FCHSD2: variants seen among roughly 807,000 people sequenced by gnomAD.
The protein encoded by FCHSD2 is F-BAR and double SH3 domains protein 2.
In FCHSD2, 38 loss-of-function variants were observed where a neutral mutation model predicts 108.1. The observed-to-expected ratio is 0.35, with a 90% CI of 0.27 to 0.46. The LOEUF (loss-of-function observed/expected upper bound fraction) is 0.46, where lower values mean the gene tolerates loss of function less well. Among genes scored for constraint, FCHSD2 ranks in the 20% least tolerant of loss-of-function variants. The probability of loss-of-function intolerance (pLI) is 1.00; values close to 1 mark genes in which losing one functional copy is unlikely to be tolerated. For missense variants in FCHSD2, 751 were observed against 897.8 expected, an observed-to-expected ratio of 0.84 and a Z score of 2.09; for synonymous variants, 279 against 314.7, an observed-to-expected ratio of 0.89 and a Z score of 1.20.
chr11:73,137,339 C>G (rs1861142848), intron 2 of FCHSD2, among the ~76,000 whole-genome samples: 1 of 152,024 alleles, frequency 6.6e-6, no homozygotes. Flanking sequence ...TAAAAAAAAC[C>G]TGTTAATCCT....
At chr11:72,932,909 C>T (rs554193286) in intron 8 of FCHSD2, among the ~76,000 whole-genome samples, 2 of 152,280 alleles carry the variant, frequency 1.3e-5, no homozygotes, top group African/African-American at 2.4e-5. Flanking sequence ...TAAACCTATA[C>T]TTGAGCCCCA....
chr11:73,056,667 T>C (rs986262464), intron 3 of FCHSD2, among the ~76,000 whole-genome samples: 13 of 151,994 alleles, frequency 8.6e-5, no homozygotes, highest in East Asian at 1.9e-4. Flanking sequence ...CTATGCAAAA[T>C]AGGTAGAGAA....
intron 9 of FCHSD2, among the ~76,000 whole-genome samples, chr11:72,905,838 T>C (rs1463566397): frequency 6.6e-6 from 1 of 152,216 alleles, no homozygotes; most frequent in Non-Finnish European, 1.5e-5. Context: ...CAGTCTATCA[T>C]TGATGGACAT....
intron 8 of FCHSD2, among the ~76,000 whole-genome samples, chr11:72,924,441 C>CT (rs536513005): frequency 0.36 from 49,806 of 138,156 alleles, 9,327 homozygotes; most frequent in East Asian, 0.55. Flanking sequence ...CCACACCCGG[C>CT]TTTTTTTTTT....
intron 12 of FCHSD2, among the ~76,000 whole-genome samples, chr11:72,875,068 G>A (rs758049877): frequency 1.8e-4 from 27 of 152,168 alleles, no homozygotes; most frequent in Non-Finnish European, 2.9e-4. Context: ...TAAGTGTAAA[G>A]CTATAGTTGA....
intron 8 of FCHSD2, among the ~76,000 whole-genome samples, chr11:72,966,857 G>C (rs117331368): frequency 0.04 from 6,044 of 152,244 alleles, 158 homozygotes; most frequent in Non-Finnish European, 0.063. Context: ...TTTGAGGAAG[G>C]ATTCCCTAAA....
chr11:72,939,956 G>A (rs528809365), intron 8 of FCHSD2, among the ~76,000 whole-genome samples: 1 of 152,106 alleles, frequency 6.6e-6, no homozygotes, highest in African/African-American at 2.4e-5. Context: ...AAAGTTCCAG[G>A]GAGTTTCTTC....
At chr11:73,097,272 C>T (rs1860109006) in intron 2 of FCHSD2, among the ~76,000 whole-genome samples, 1 of 151,510 alleles carries the variant, frequency 6.6e-6, no homozygotes, top group African/African-American at 2.4e-5. Context: ...CCAAGTGGCT[C>T]CCTGGGATTG....
At chr11:73,049,018 C>T (rs914621174) in intron 3 of FCHSD2, among the ~76,000 whole-genome samples, 1 of 152,134 alleles carries the variant, frequency 6.6e-6, no homozygotes, top group African/African-American at 2.4e-5. Flanking sequence ...TCTCAACATA[C>T]TGACACAGTG....
intron 12 of FCHSD2, among the ~76,000 whole-genome samples, chr11:72,884,588 T>C (rs1363513204): frequency 2.0e-5 from 3 of 147,050 alleles, no homozygotes; most frequent in African/African-American, 7.6e-5. Flanking sequence ...AAAGATCATA[T>C]ATATATATAT....
chr11:73,021,458 CA>C (rs1417552830), intron 3 of FCHSD2, among the ~76,000 whole-genome samples: 2 of 151,974 alleles, frequency 1.3e-5, no homozygotes, highest in Non-Finnish European at 2.9e-5. Flanking sequence ...AATGCAAGAA[CA>C]GAAAACTAAA....
chr11:72,907,681 C>T (rs1487186981), intron 9 of FCHSD2, among the ~76,000 whole-genome samples: 1 of 149,930 alleles, frequency 6.7e-6, no homozygotes, highest in Non-Finnish European at 1.5e-5. Context: ...ACCTCCACCT[C>T]CCAGGTTCAT....
intron 2 of FCHSD2, among the ~76,000 whole-genome samples, chr11:73,109,684 G>T (rs1408098448): frequency 6.6e-6 from 1 of 152,102 alleles, no homozygotes; most frequent in Non-Finnish European, 1.5e-5. Context: ...CACTTTGGAT[G>T]CTCTTTCTTT....
intron 5 of FCHSD2, among the ~76,000 whole-genome samples, chr11:72,997,214 G>T (rs1039854732): frequency 1.3e-5 from 2 of 152,170 alleles, no homozygotes; most frequent in Non-Finnish European, 2.9e-5. Flanking sequence ...GCTACACGAT[G>T]TTGAGAAGAC....
intron 6 of FCHSD2, among the ~76,000 whole-genome samples, chr11:72,988,403 T>C (rs919148134): frequency 2.0e-5 from 3 of 152,242 alleles, no homozygotes; most frequent in Non-Finnish European, 4.4e-5. Context: ...AAAGGTCTTA[T>C]AATTCACATA....
intron 3 of FCHSD2, among the ~76,000 whole-genome samples, chr11:73,072,704 C>T (rs965346318): frequency 6.6e-6 from 1 of 152,038 alleles, no homozygotes; most frequent in African/African-American, 2.4e-5. Context: ...GAAAGAAAAG[C>T]TCCAAATATA....
intron 8 of FCHSD2, among the ~76,000 whole-genome samples, chr11:72,941,870 G>A (rs1459779780): frequency 6.6e-6 from 1 of 151,944 alleles, no homozygotes; most frequent in Non-Finnish European, 1.5e-5. Context: ...TTATCAAAGA[G>A]GTGTATTAAG....
Position 73,018,517 on chromosome 11 carries a change from C to CT in FCHSD2, c.166-2633dup, listed in dbSNP as rs543899306. Among the ~76,000 whole-genome samples, 846 of 138,174 alleles carry CT rather than the reference C, an allele frequency of 6.1e-3. 5 individuals are homozygous for CT. The highest frequency in any genetic ancestry group is 0.019 in the African/African-American group (723 of 37,180). The allele number at this position is 138,174 out of a possible 152,430, so 90.6% of individuals were successfully genotyped here. A position where few individuals can be genotyped will look rare whatever the true frequency, so the allele number is the denominator to read the frequency against. ...AAGCTCCATCAGGTACAGATCTTGTCTTTTTTTTTTTTTTTTAATCATTAT... is the reference window on the plus strand; with the variant it reads ...AAGCTCCATCAGGTACAGATCTTGTCTTTTTTTTTTTTTTTTTAATCATTAT... On this transcript the variant is annotated intron_variant, in intron 3 of 19. Coordinates refer to ENST00000409418, the MANE Select transcript of FCHSD2 (RefSeq NM_014824.3).
chr11:72,940,829 G>C (rs1324413676), intron 8 of FCHSD2: 1 of 897,506 alleles, frequency 1.1e-6, no homozygotes, highest in Non-Finnish European at 1.8e-6. Flanking sequence ...TGCCACTGTG[G>C]GGCTCTTAGA....
Sources: allele counts gnomAD v4.1 joint callset (sites outside exome capture counted in the v4.1 genomes callset), GRCh38; gene constraint gnomAD v4.1.1; transcripts MANE v1.5; gene names NCBI Gene and HGNC (gene_info 2026-07-23, HGNC 2026-07-21).